Variants in SLCO2B1 observed in about 807,000 individuals in gnomAD.
SLCO2B1 encodes the protein OATP-RP2.
SLCO2B1 carries 41 observed loss-of-function variants against 67.3 expected under a neutral mutation model. That is an observed-to-expected ratio of 0.61 (90% CI 0.47 to 0.79). The LOEUF is 0.79. Among genes scored for constraint, SLCO2B1 ranks in the 30% least tolerant of loss-of-function variants. SLCO2B1 has a pLI of 0.00. For missense variants in SLCO2B1, 837 were observed against 920.1 expected, an observed-to-expected ratio of 0.91 and a Z score of 1.17; for synonymous variants, 379 against 381.4, an observed-to-expected ratio of 0.99 and a Z score of 0.07.
chr11:75,160,645 C>T (rs1949807424), intron 1 of SLCO2B1, among the ~76,000 whole-genome samples: 1 of 152,208 alleles, frequency 6.6e-6, no homozygotes, highest in Admixed American at 6.5e-5. Flanking sequence ...GGCCAATTTC[C>T]CGTCTCCTCG....
intron 7 of SLCO2B1, among the ~76,000 whole-genome samples, chr11:75,175,546 G>A (rs56891203): frequency 0.021 from 3,152 of 152,208 alleles, 124 homozygotes; most frequent in African/African-American, 0.072. Context: ...TGTTTTTAAA[G>A]GTATCCGGGA....
chr11:75,170,293 T>C (rs756150174), intron 6 of SLCO2B1, among the ~76,000 whole-genome samples: 12 of 152,210 alleles, frequency 7.9e-5, no homozygotes, highest in Non-Finnish European at 1.6e-4. Context: ...AGAACCCTTC[T>C]AGTTCTGACC....
intron 1 of SLCO2B1, among the ~76,000 whole-genome samples, chr11:75,156,310 A>G (rs571874642): frequency 3.9e-5 from 6 of 152,284 alleles, no homozygotes; most frequent in African/African-American, 1.4e-4. Flanking sequence ...CAGGCAGATA[A>G]GAGGGAAACA....
chr11:75,184,425 G>T (rs1950125915), intron 7 of SLCO2B1, among the ~76,000 whole-genome samples: 1 of 152,190 alleles, frequency 6.6e-6, no homozygotes, highest in South Asian at 2.1e-4. Context: ...TACTCTGAAT[G>T]CCTATCCTGC....
At chr11:75,164,516 C>T (rs569449665) in intron 3 of SLCO2B1, among the ~76,000 whole-genome samples, 15 of 152,184 alleles carry the variant, frequency 9.9e-5, no homozygotes, top group African/African-American at 2.2e-4. Flanking sequence ...AGGGATACCG[C>T]GGCGCAGGGT....
intron 1 of SLCO2B1, among the ~76,000 whole-genome samples, chr11:75,152,833 G>A (rs1949707360): frequency 6.6e-6 from 1 of 152,146 alleles, no homozygotes; most frequent in Non-Finnish European, 1.5e-5. Context: ...ACCCATTCTG[G>A]GCTGTGGCCA....
chr11:75,151,760 A>G, intron 1 of SLCO2B1: 1 of 316,756 alleles, frequency 3.2e-6, no homozygotes, highest in Non-Finnish European at 5.9e-6. Context: ...AGAAAAGTGT[A>G]GTCAGACAGT....
Position 75,196,561 on chromosome 11 carries a change from C to T in SLCO2B1, c.1481C>T (p.Ser494Phe), listed in dbSNP as rs781393154. 2 of 1,614,138 alleles carry T rather than the reference C, an allele frequency of 1.2e-6. No homozygotes were observed. Among genetic ancestry groups the T allele is most frequent in the South Asian group, 2.2e-5 (2 of 91,084 alleles). ...TCTCCAAGCTGCATGGAGGCCTGCT[C>T]CTGCCCATTGGACGGCTTTAACCCT... is the stretch of plus-strand genomic sequence containing the variant. ...ELSPSCMEACSCPLDGFNPVC... is the reference protein window; with the variant it reads ...ELSPSCMEACFCPLDGFNPVC... Residue 494 changes from serine to phenylalanine, a missense_variant, in exon 10 of 14, where the codon TCC (serine) becomes TTC (phenylalanine). Ser to Phe is a radical substitution (Grantham distance 155). Transcript: ENST00000289575.
intron 7 of SLCO2B1, among the ~76,000 whole-genome samples, chr11:75,183,886 G>A (rs1480695581): frequency 6.6e-6 from 1 of 152,182 alleles, no homozygotes; most frequent in Non-Finnish European, 1.5e-5. Flanking sequence ...GTTATGTGAT[G>A]CTGAACAAGT....
Position 75,182,169 on chromosome 11 carries a change from C to G in SLCO2B1, c.973-5967C>G, listed in dbSNP as rs149355250. ...TCTCCCTTTCTATCTACCCAAACCC[C>G]AAAGCTCACTTCTCCCTGGATGTCA... On this transcript the variant is annotated intron_variant, in intron 7 of 13. Transcript: ENST00000289575. Among the ~76,000 whole-genome samples, 401 of 152,316 alleles carry G rather than the reference C, an allele frequency of 2.6e-3. 1 individual carries two copies. Among genetic ancestry groups the G allele is most frequent in the Admixed American group, 6.7e-3 (102 of 15,302 alleles).
intron 3 of SLCO2B1, among the ~76,000 whole-genome samples, chr11:75,165,449 T>A (rs908424807): frequency 6.7e-6 from 1 of 149,964 alleles, no homozygotes; most frequent in Non-Finnish European, 1.5e-5. Flanking sequence ...AAAAAAAAAA[T>A]TCAAGCCTTG....
At chr11:75,182,020 G>A (rs1950097436) in intron 7 of SLCO2B1, among the ~76,000 whole-genome samples, 1 of 152,204 alleles carries the variant, frequency 6.6e-6, no homozygotes, top group Non-Finnish European at 1.5e-5. Flanking sequence ...AACCACCCGA[G>A]TCTGGCTGTG....
At chr11:75,191,092 C>T (rs1327657623) in intron 8 of SLCO2B1, among the ~76,000 whole-genome samples, 1 of 152,110 alleles carries the variant, frequency 6.6e-6, no homozygotes, top group African/African-American at 2.4e-5. Context: ...TGGAAGCAAT[C>T]CATGAGATGG....
At chr11:75,189,351 C>T (rs1944984214) in intron 8 of SLCO2B1, among the ~76,000 whole-genome samples, 2 of 152,122 alleles carry the variant, frequency 1.3e-5, no homozygotes, top group African/African-American at 4.8e-5. Flanking sequence ...ATTGAGTTTC[C>T]TCATCTGGAA....
chr11:75,177,553 A>G (rs1022488671), intron 7 of SLCO2B1, among the ~76,000 whole-genome samples: 1 of 152,220 alleles, frequency 6.6e-6, no homozygotes, highest in Non-Finnish European at 1.5e-5. Flanking sequence ...AACAAGACAT[A>G]GGGTTTATTG....
chr11:75,169,499 C>A, intron 5 of SLCO2B1, 93 bp downstream of exon 5: 1 of 1,262,886 alleles, frequency 7.9e-7, no homozygotes, highest in Non-Finnish European at 1.1e-6. Context: ...AGATGGAATC[C>A]CTGCCCCCTG....
Position 75,194,747 on chromosome 11 carries a change from A to G in SLCO2B1, c.1433+1172A>G, listed in dbSNP as rs75746985. Among the ~76,000 whole-genome samples, 398 of 152,292 alleles carry G rather than the reference A, an allele frequency of 2.6e-3. 3 individuals carry two copies. Among genetic ancestry groups the G allele is most frequent in the African/African-American group, 9.2e-3 (383 of 41,544 alleles). ...AAATGATTTTTAGAGTAAAAAGTAAATGGATATTTTATCACAATTTTTTAA... is the reference window on the plus strand; with the variant it reads ...AAATGATTTTTAGAGTAAAAAGTAAGTGGATATTTTATCACAATTTTTTAA... On this transcript the variant is annotated intron_variant, in intron 9 of 13. Transcript: ENST00000289575.
intron 8 of SLCO2B1, among the ~76,000 whole-genome samples, chr11:75,189,226 G>C (rs1944982583): frequency 1.3e-5 from 2 of 151,696 alleles, no homozygotes; most frequent in Non-Finnish European, 2.9e-5. Flanking sequence ...TTGAGTGCCT[G>C]CCGTGTGCCC....
chr11:75,156,614 G>C (rs1361430809), intron 1 of SLCO2B1, among the ~76,000 whole-genome samples: 1 of 152,166 alleles, frequency 6.6e-6, no homozygotes, highest in Non-Finnish European at 1.5e-5. Flanking sequence ...CAGACCCCAA[G>C]AGAGGGCTCT....
Sources: gnomAD v4.1 joint callset for allele counts (sites outside exome capture counted in the v4.1 genomes callset) on GRCh38, gnomAD v4.1.1 for gene constraint, MANE v1.5 for transcripts, NCBI Gene and HGNC (gene_info 2026-07-23, HGNC 2026-07-21) for gene names.